Variants in MAP2K3 observed in about 807,000 individuals in gnomAD.
MAP2K3 encodes the protein mitogen-activated protein kinase kinase 3.
Under a neutral mutation model 46.4 loss-of-function variants are expected in MAP2K3, and 30 were observed. That is an observed-to-expected ratio of 0.65 (90% CI 0.48 to 0.88). The LOEUF (loss-of-function observed/expected upper bound fraction) is 0.88. Among genes scored for constraint, MAP2K3 ranks in the 40% least tolerant of loss-of-function variants. The pLI, the probability that MAP2K3 is intolerant of heterozygous loss-of-function variation, is 0.00. For missense variants in MAP2K3, 380 were observed against 464.5 expected (o/e 0.82, Z 1.67); for synonymous variants, 189 against 176.3 (o/e 1.07, Z -0.57).
At chr17:21,292,042 C>T (rs1052663465) in intron 1 of MAP2K3, among the ~76,000 whole-genome samples, 12 of 152,422 alleles carry the variant, frequency 7.9e-5, no homozygotes, top group African/African-American at 2.4e-4. Flanking sequence ...AGCTGGGACC[C>T]AGGCTGGGGG....
intron 1 of MAP2K3, 150 bp from the exon 2 acceptor site, chr17:21,298,263 C>T: frequency 2.6e-6 from 3 of 1,157,392 alleles, no homozygotes; most frequent in Non-Finnish European, 3.9e-6. Flanking sequence ...CTTTGAAGGC[C>T]TAACGGCCTG....
chr17:21,296,822 T>G (rs1976278869), intron 1 of MAP2K3, among the ~76,000 whole-genome samples: 1 of 152,310 alleles, frequency 6.6e-6, no homozygotes, highest in African/African-American at 2.4e-5. Context: ...ATAAAAACGC[T>G]GCGCACAGGA....
Position 21,304,437 on chromosome 17 carries a change from T to A in MAP2K3, c.580T>A (p.Ser194Thr). 1.2e-6 allele frequency: 2 copies of A among 1,614,316 alleles called. No individual in the cohort carries two copies. Among genetic ancestry groups the A allele is most frequent in the Non-Finnish European group, 1.7e-6 (2 of 1,180,060 alleles). The change falls in exon 8 of 12, where the codon TCC becomes ACC. Residue 194 changes from serine (S) to threonine (T), a missense_variant. By Grantham distance (58) the Ser-to-Thr change is moderately conservative. Coordinates refer to ENST00000342679, the MANE Select transcript of MAP2K3 (RefSeq NM_145109.3). ...TCCCTCCCTGGCAGATGTGAAGCCC[T>A]CCAATGTCCTTATCAACAAGGAGGG... ...LSVIHRDVKP[S>T]NVLINKEGHV...
intron 9 of MAP2K3, among the ~76,000 whole-genome samples, chr17:21,307,640 A>G (rs1273108714): frequency 3.3e-5 from 5 of 152,024 alleles, no homozygotes; most frequent in Admixed American, 6.6e-5. Flanking sequence ...TGCTGCTACC[A>G]TTGTTATCAT....
chr17:21,299,040 G>C, intron 3 of MAP2K3, 114 bp downstream of exon 3: 1 of 1,496,666 alleles, frequency 6.7e-7, no homozygotes, highest in East Asian at 2.3e-5. Context: ...AGAGGGTCAG[G>C]CTCTGGAGAA....
In MAP2K3 at chr17:21,312,202, A is replaced by G. The variant is rs1462982083; in HGVS notation, c.835A>G (p.Lys279Glu). 2 of 1,600,666 alleles carry G rather than the reference A, an allele frequency of 1.2e-6. No individual in the cohort carries two copies. Among genetic ancestry groups the G allele is most frequent in the Non-Finnish European group, 1.7e-6 (2 of 1,175,674 alleles). The change falls in exon 10 of 12, where the codon AAG becomes GAG. Residue 279 changes from lysine to glutamate, a missense_variant. Transcript: ENST00000342679. Reference sequence around the variant, plus strand: ...CTGGGGGACCCCGTTCCAGCAGCTGAAGCAGGTGGTGGAGGAGCCGTCCCC... The same window carrying G: ...CTGGGGGACCCCGTTCCAGCAGCTGGAGCAGGTGGTGGAGGAGCCGTCCCC... ...ESWGTPFQQL[K>E]QVVEEPSPQL...
chr17:21,302,066 G>GGGCTGC, intron 5 of MAP2K3, 77 bp from the exon 6 acceptor site: 2 of 1,429,074 alleles, frequency 1.4e-6, no homozygotes, highest in African/African-American at 2.8e-5. Context: ...GCTGGGGCTG[G>GGGCTGC]TGCTGGGGCA....
chr17:21,301,522 C>T (rs1052688641), intron 5 of MAP2K3, among the ~76,000 whole-genome samples: 1 of 152,310 alleles, frequency 6.6e-6, no homozygotes, highest in Non-Finnish European at 1.5e-5. Flanking sequence ...TGGTCACTTG[C>T]CCCTCAAAGA....
chr17:21,301,507 C>T (rs556601172), intron 5 of MAP2K3, among the ~76,000 whole-genome samples: 9 of 152,424 alleles, frequency 5.9e-5, no homozygotes, highest in African/African-American at 2.2e-4. Context: ...ATGCTGGGCT[C>T]ATACTGGTCA....
chr17:21,294,427 G>A (rs1055775455), intron 1 of MAP2K3, among the ~76,000 whole-genome samples: 29 of 152,304 alleles, frequency 1.9e-4, no homozygotes, highest in Non-Finnish European at 3.5e-4. Context: ...CTGCAAGGAG[G>A]GGTTGTCATC....
chr17:21,309,144 A>G (rs1977044003), intron 9 of MAP2K3, among the ~76,000 whole-genome samples: 1 of 152,430 alleles, frequency 6.6e-6, no homozygotes, highest in South Asian at 2.1e-4. Flanking sequence ...CAACTTACTC[A>G]CATTGGCCTG....
chr17:21,293,798 G>A (rs1777225296), intron 1 of MAP2K3, among the ~76,000 whole-genome samples: 1 of 152,312 alleles, frequency 6.6e-6, no homozygotes. Flanking sequence ...CGTGTATGAG[G>A]CCAGATGGCA....
intron 1 of MAP2K3, chr17:21,295,735 C>T (rs761386900): frequency 1.2e-5 from 15 of 1,289,548 alleles, no homozygotes; most frequent in Non-Finnish European, 1.4e-5. Context: ...GTGGTCCCCA[C>T]CCATCCAGCC....
chr17:21,299,122 G>T (rs1976443441), intron 3 of MAP2K3, among the ~76,000 whole-genome samples, 196 bp downstream of exon 3: 1 of 152,310 alleles, frequency 6.6e-6, no homozygotes, highest in Non-Finnish European at 1.5e-5. Context: ...TGGGAATGAG[G>T]ACCATCGGCT....
chr17:21,291,667 C>T (rs1201739312), intron 1 of MAP2K3: 3 of 444,480 alleles, frequency 6.7e-6, no homozygotes, highest in East Asian at 7.0e-5. Context: ...GAGCCTGGGG[C>T]CAGAGTCCCA....
rs748481741 is a variant in MAP2K3, at chr17:21,302,278, C to T, written c.516+19C>T. On this transcript the variant is annotated intron_variant, in intron 6 of 11. Coordinates refer to ENST00000342679, the MANE Select transcript of MAP2K3 (RefSeq NM_145109.3). ...TGTGTCTGTGAGTGGCCTGGGTGGG[C>T]TGGCGGGGGGTCCTAGGTGCATAGG... The T allele has an allele frequency of 4.2e-6, 2 of 474,174 alleles. No homozygotes were observed. Among genetic ancestry groups the T allele is most frequent in the Admixed American group, 2.6e-5 (1 of 38,430 alleles). 29.4% of individuals were successfully genotyped at this position (474,174 alleles called of 1,614,324 possible).
In MAP2K3 at chr17:21,295,688, G is replaced by A. The variant is rs374998783; in HGVS notation, c.50-2725G>A. On this transcript the variant is annotated intron_variant, in intron 1 of 11. Coordinates refer to ENST00000342679, the MANE Select transcript of MAP2K3 (RefSeq NM_145109.3). ...TGTCCCCAACAGGCCGGTGGATGCA[G>A]AGGCCAGTCCATATACCACCCAGGC... is the stretch of plus-strand genomic sequence containing the variant. 14 of 1,289,380 alleles carry A rather than the reference G, an allele frequency of 1.1e-5. No homozygotes were observed. The African/African-American group carries it at 1.8e-4, about 17-fold the overall frequency. 79.9% of individuals were successfully genotyped at this position (1,289,380 alleles called of 1,614,324 possible).
At chr17:21,299,062 T>G in intron 3 of MAP2K3, 136 bp downstream of exon 3, 1 of 1,285,556 alleles carries the variant, frequency 7.8e-7, no homozygotes, top group Non-Finnish European at 1.1e-6. Flanking sequence ...AGCCTCGTCC[T>G]GCGCTGCTGG....
At chr17:21,296,654 A>G (rs1039823875) in intron 1 of MAP2K3, among the ~76,000 whole-genome samples, 1 of 152,306 alleles carries the variant, frequency 6.6e-6, no homozygotes, top group Non-Finnish European at 1.5e-5. Context: ...TTCCCCAAGT[A>G]AAGTGAGGTT....
Sources: gnomAD v4.1 joint callset for allele counts (sites outside exome capture counted in the v4.1 genomes callset) on GRCh38, gnomAD v4.1.1 for gene constraint, MANE v1.5 for transcripts, NCBI Gene and HGNC (gene_info 2026-07-23, HGNC 2026-07-21) for gene names.